The following CCDC175 variants were observed in gnomAD, a reference collection of about 807,000 sequenced individuals.
The protein encoded by CCDC175 is coiled-coil domain-containing protein 175.
CCDC175 carries 100 observed loss-of-function variants against 114.6 expected under a neutral mutation model. The ratio of observed to expected loss-of-function variants is 0.87; its 90% CI spans 0.74 to 1.03. The LOEUF (loss-of-function observed/expected upper bound fraction) is 1.03, where lower values mean the gene tolerates loss of function less well. CCDC175 is among the 50% of genes least tolerant of loss of function. The pLI is 0.00. For synonymous variants in CCDC175, 306 were observed against 308.7 expected, an observed-to-expected ratio of 0.99 and a Z score of 0.09; for missense variants, 880 against 917.8, an observed-to-expected ratio of 0.96 and a Z score of 0.53.
chr14:59,506,818 C>CT (rs1327355783), intron 19 of CCDC175, among the ~76,000 whole-genome samples: 6 of 152,060 alleles, frequency 3.9e-5, no homozygotes, highest in Admixed American at 2.0e-4. Flanking sequence ...ACAGAGATAA[C>CT]TTTGACAGTT....
chr14:59,519,885 C>A (rs185291438), intron 17 of CCDC175, among the ~76,000 whole-genome samples: 276 of 152,348 alleles, frequency 1.8e-3, no homozygotes, highest in African/African-American at 6.1e-3. Flanking sequence ...GCAGGCCAAA[C>A]TGCTACATGG....
At chr14:59,537,444 C>G (rs988534699) in intron 13 of CCDC175, among the ~76,000 whole-genome samples, 6 of 152,132 alleles carry the variant, frequency 3.9e-5, no homozygotes, top group African/African-American at 1.4e-4. Context: ...ATTTTCAAAC[C>G]TGATCAAGTT....
chr14:59,507,778 A>G (rs8011309), intron 19 of CCDC175, among the ~76,000 whole-genome samples: 59,314 of 152,056 alleles, frequency 0.39, 12,331 homozygotes, highest in African/African-American at 0.52. Flanking sequence ...GTGGTATTTT[A>G]CAACTGGGGA....
At chr14:59,519,205 T>C (rs1285842492) in intron 17 of CCDC175, among the ~76,000 whole-genome samples, 5 of 152,090 alleles carry the variant, frequency 3.3e-5, no homozygotes, top group Admixed American at 6.6e-5. Flanking sequence ...TTTGGAGATA[T>C]ACCTAATGTT....
chr14:59,552,810 G>A (rs1367694740), intron 7 of CCDC175, among the ~76,000 whole-genome samples: 3 of 152,182 alleles, frequency 2.0e-5, no homozygotes, highest in East Asian at 1.9e-4. Flanking sequence ...CGTGAACTAC[G>A]TGACAAATGC....
intron 3 of CCDC175, among the ~76,000 whole-genome samples, chr14:59,571,419 C>G (rs1248664047): frequency 1.3e-5 from 2 of 152,028 alleles, no homozygotes; most frequent in Non-Finnish European, 2.9e-5. Flanking sequence ...TCAACAACAA[C>G]AAAAAAGAAC....
In CCDC175 at chr14:59,551,337, T is replaced by G; in HGVS notation, c.1035+18A>C. ...AAATGTAATTATAATGTAAAAGTCA[T>G]GACTTCTGCCTTCTTACCTGTTTTA... On this transcript the variant is annotated intron_variant, in intron 8 of 19. Coordinates refer to ENST00000537690, the MANE Select transcript of CCDC175 (RefSeq NM_001164399.2). The G allele has an allele frequency of 8.8e-7, 1 of 1,134,178 alleles. No individual in the cohort carries two copies. 70.3% of individuals were successfully genotyped at this position (1,134,178 alleles called of 1,614,324 possible). A position where few individuals can be genotyped will look rare whatever the true frequency, so the allele number is the denominator to read the frequency against.
intron 10 of CCDC175, 131 bp from the exon 11 acceptor site, chr14:59,540,877 A>C (rs1894743299): frequency 1.3e-6 from 1 of 762,248 alleles, no homozygotes. Context: ...CTTGTGAAAC[A>C]ACTAAACATT....
At chr14:59,533,994 A>AAG (rs1393861313) in intron 13 of CCDC175, among the ~76,000 whole-genome samples, 1 of 151,664 alleles carries the variant, frequency 6.6e-6, no homozygotes, top group Non-Finnish European at 1.5e-5. Flanking sequence ...TTTTAAAAAA[A>AAG]AAAAAAAAAA....
Position 59,563,784 on chromosome 14 carries a change from G to C in CCDC175, c.796C>G (p.Gln266Glu). ...YQKKKELDKL[Q>E]TKMSKIKETV... The stretch of plus-strand genomic sequence containing the variant: ...TCTTTTATTTTTGACATTTTAGTTT[G>C]TAATTTATCCAATTCTTTCTTCTTT... Residue 266 changes from glutamine to glutamate, a missense_variant, in exon 6 of 20, where the codon CAA (glutamine) becomes GAA (glutamate). Gln to Glu is a conservative substitution (Grantham distance 29). Transcript: ENST00000537690. The C allele has an allele frequency of 3.5e-6, 5 of 1,434,708 alleles. No individual in the cohort carries two copies. The highest frequency in any genetic ancestry group is 4.6e-6 in the Non-Finnish European group (5 of 1,093,472). The allele number at this position is 1,434,708 out of a possible 1,614,324, so 88.9% of individuals were successfully genotyped here. A position where few individuals can be genotyped will look rare whatever the true frequency, so the allele number is the denominator to read the frequency against.
At chr14:59,543,633 TTC>T (rs1195442808) in intron 9 of CCDC175, among the ~76,000 whole-genome samples, 179 bp from the exon 10 acceptor site, 1 of 152,216 alleles carries the variant, frequency 6.6e-6, no homozygotes, top group Non-Finnish European at 1.5e-5. Context: ...GCAAAGGATT[TTC>T]TTTTTTTCAA....
chr14:59,514,383 G>C (rs1423575605), intron 17 of CCDC175, among the ~76,000 whole-genome samples: 2 of 152,148 alleles, frequency 1.3e-5, no homozygotes, highest in African/African-American at 4.8e-5. Flanking sequence ...AAAGGTGGAA[G>C]TTCAAACCCA....
intron 2 of CCDC175, among the ~76,000 whole-genome samples, chr14:59,573,468 C>T (rs1430182268): frequency 6.6e-6 from 1 of 152,060 alleles, no homozygotes; most frequent in Non-Finnish European, 1.5e-5. Context: ...CAGTTATCAC[C>T]TATACCCTGA....
At chr14:59,518,677 G>C (rs534923064) in intron 17 of CCDC175, among the ~76,000 whole-genome samples, 1 of 152,296 alleles carries the variant, frequency 6.6e-6, no homozygotes, top group South Asian at 2.1e-4. Flanking sequence ...AACAGGTGCT[G>C]GAGAGGATAT....
intron 17 of CCDC175, among the ~76,000 whole-genome samples, chr14:59,514,995 G>T (rs1412361467): frequency 6.6e-6 from 1 of 152,212 alleles, no homozygotes; most frequent in African/African-American, 2.4e-5. Context: ...AGCCAGAAGA[G>T]AGTGGGGGCC....
rs1462152261 is a variant in CCDC175 at position 59,576,713 on chromosome 14, G to A, written c.63C>T (p.Ala21=). ...ACTCCAGGGAGGGGCCAGTGGAGAC[G>A]GCAGCCGCCTGCACCAGCTTCTCGC... is the stretch of plus-strand genomic sequence containing the variant. The part of the protein sequence containing the change: ...GAGEKLVQAA[A]VSTGPSLELC... The change falls in exon 1 of 20, where the codon GCC becomes GCT. Residue 21 remains alanine, a synonymous_variant. Transcript: ENST00000537690. 6.8e-7 allele frequency: 1 copy of A among 1,479,430 alleles called. No homozygotes were observed. 91.6% of individuals were successfully genotyped at this position (1,479,430 alleles called of 1,614,324 possible).
At chr14:59,562,747 G>T (rs993845834) in intron 6 of CCDC175, among the ~76,000 whole-genome samples, 2 of 152,146 alleles carry the variant, frequency 1.3e-5, no homozygotes, top group African/African-American at 4.8e-5. Context: ...CTCGATTTAT[G>T]ATTTATGAGG....
At chr14:59,533,920 C>T (rs556687226) in intron 13 of CCDC175, among the ~76,000 whole-genome samples, 4 of 146,542 alleles carry the variant, frequency 2.7e-5, no homozygotes, top group Admixed American at 7.0e-5. Context: ...ACCCGGGAGG[C>T]GGAGGTTGCA....
At chr14:59,564,000 A>C in intron 5 of CCDC175, 141 bp from the exon 6 acceptor site, 1 of 499,036 alleles carries the variant, frequency 2.0e-6, no homozygotes, top group Non-Finnish European at 3.0e-6. Flanking sequence ...GTAAAAAATA[A>C]ACCTAAAAAC....
Sources: gnomAD v4.1 joint callset for allele counts (sites outside exome capture counted in the v4.1 genomes callset) on GRCh38, gnomAD v4.1.1 for gene constraint, MANE v1.5 for transcripts, NCBI Gene and HGNC (gene_info 2026-07-23, HGNC 2026-07-21) for gene names.